The following COP1 variants were observed in gnomAD, a reference collection of about 807,000 sequenced individuals.
COP1 encodes E3 ubiquitin-protein ligase COP1.
A neutral mutation model predicts 101.3 loss-of-function variants in COP1; 24 were observed. That is an observed-to-expected ratio of 0.24 (90% confidence interval 0.17 to 0.33). The LOEUF (loss-of-function observed/expected upper bound fraction) is 0.33. COP1 is among the 10% of genes least tolerant of loss of function. The pLI is 1.00. For missense variants in COP1, 663 were observed against 906.2 expected (o/e 0.73, Z 3.45); for synonymous variants, 347 against 341.9 (o/e 1.01, Z -0.17).
At chr1:175,949,952 A>G (rs1296640617) in intron 18 of COP1, among the ~76,000 whole-genome samples, 1 of 152,182 alleles carries the variant, frequency 6.6e-6, no homozygotes, top group South Asian at 2.1e-4. Flanking sequence ...AAATTGTAGT[A>G]TATTATCTTA....
At chr1:176,200,000 T>C (rs1700105168) in intron 1 of COP1, among the ~76,000 whole-genome samples, 1 of 152,196 alleles carries the variant, frequency 6.6e-6, no homozygotes, top group African/African-American at 2.4e-5. Flanking sequence ...TGGGTAACCA[T>C]TTGTAATAGT....
intron 8 of COP1, among the ~76,000 whole-genome samples, chr1:176,120,170 T>C (rs1236033074): frequency 6.6e-6 from 1 of 152,116 alleles, no homozygotes; most frequent in Non-Finnish European, 1.5e-5. Context: ...ATAAAAGTTA[T>C]ACTAGCTTAA....
chr1:175,988,015 T>C (rs1408529769), intron 17 of COP1, among the ~76,000 whole-genome samples: 1 of 152,148 alleles, frequency 6.6e-6, no homozygotes, highest in Non-Finnish European at 1.5e-5. Context: ...TCTAAAGAAT[T>C]ATGTTATAAT....
chr1:176,053,605 C>T lies in COP1; in HGVS notation c.1278-7281G>A, dbSNP rs181789769. ...CACACAACCATGACCACACCCTAAA[C>T]ACTTTTTCATTACCAATAACTTCAC... On this transcript the variant is annotated intron_variant, in intron 11 of 19. Coordinates refer to ENST00000367669, the MANE Select transcript of COP1 (RefSeq NM_022457.7). 2.6e-5 allele frequency among the ~76,000 whole-genome samples: 4 copies of T among 152,250 alleles called. No individual in the cohort carries two copies. In the East Asian group the frequency reaches 7.7e-4, roughly 29 times the overall value.
chr1:176,004,506 ATTATT>A (rs1462606659), intron 15 of COP1, among the ~76,000 whole-genome samples: 1 of 150,776 alleles, frequency 6.6e-6, no homozygotes, highest in African/African-American at 2.4e-5. Flanking sequence ...GATAGTTCTT[ATTATT>A]TTGAAATACG....
At chr1:176,110,919 T>C (rs1230106066) in intron 9 of COP1, among the ~76,000 whole-genome samples, 3 of 152,172 alleles carry the variant, frequency 2.0e-5, no homozygotes, top group Non-Finnish European at 4.4e-5. Context: ...TTTGGGAGGC[T>C]GAGGCATGCA....
intron 18 of COP1, among the ~76,000 whole-genome samples, chr1:175,983,239 T>C (rs1017544477): frequency 1.3e-5 from 2 of 152,176 alleles, no homozygotes; most frequent in Non-Finnish European, 2.9e-5. Context: ...CCCATCCAAA[T>C]CTCAACTTGA....
intron 2 of COP1, among the ~76,000 whole-genome samples, chr1:176,183,529 T>C (rs371295278): frequency 2.0e-5 from 3 of 152,172 alleles, no homozygotes; most frequent in African/African-American, 7.2e-5. Flanking sequence ...GCAGCCCCTA[T>C]AGAAAACAGT....
intron 8 of COP1, among the ~76,000 whole-genome samples, chr1:176,124,728 C>T (rs547878194): frequency 9.2e-5 from 14 of 152,262 alleles, no homozygotes; most frequent in African/African-American, 3.4e-4. Context: ...CTGCAACAAA[C>T]ATGGGAATGC....
At chr1:176,151,325 A>AGG (rs1692423777) in intron 5 of COP1, among the ~76,000 whole-genome samples, 1 of 141,282 alleles carries the variant, frequency 7.1e-6, no homozygotes, top group African/African-American at 3.0e-5. Context: ...GAAAGAAGGA[A>AGG]AGAAAGAAAG....
chr1:176,057,637 C>T (rs914705118), intron 11 of COP1, among the ~76,000 whole-genome samples: 1 of 152,198 alleles, frequency 6.6e-6, no homozygotes, highest in Admixed American at 6.5e-5. Context: ...TCACTCAGTG[C>T]TCAATGGTGC....
At chr1:176,010,513 C>T (rs1571653101) in intron 15 of COP1, among the ~76,000 whole-genome samples, 1 of 152,158 alleles carries the variant, frequency 6.6e-6, no homozygotes. Flanking sequence ...CATTGTTCCA[C>T]ACATCTGAAT....
At chr1:175,994,555 C>G (rs936334461) in intron 15 of COP1, among the ~76,000 whole-genome samples, 4 of 151,966 alleles carry the variant, frequency 2.6e-5, no homozygotes, top group Non-Finnish European at 5.9e-5. Context: ...GGAAGATCTA[C>G]CAAGCAAATG....
chr1:176,081,018 A>G (rs1679031768), intron 11 of COP1, 134 bp downstream of exon 11: 15 of 779,952 alleles, frequency 1.9e-5, no homozygotes, highest in Non-Finnish European at 2.7e-5. Flanking sequence ...GAACTTGCCT[A>G]AAATCACAGA....
At chr1:176,192,877 ATTTTT>A (rs992569694) in intron 1 of COP1, among the ~76,000 whole-genome samples, 1 of 152,104 alleles carries the variant, frequency 6.6e-6, no homozygotes, top group Non-Finnish European at 1.5e-5. Context: ...TTTAAGATTA[ATTTTT>A]TTAAAAAGTT....
At chr1:175,972,875 C>G (rs1006525580) in intron 18 of COP1, among the ~76,000 whole-genome samples, 13 of 152,160 alleles carry the variant, frequency 8.5e-5, no homozygotes, top group Admixed American at 2.0e-4. Flanking sequence ...TCTTGTTGCC[C>G]AGGCTGGAGT....
At chr1:176,189,320 G>C (rs1558287787) in intron 1 of COP1, among the ~76,000 whole-genome samples, 1 of 151,764 alleles carries the variant, frequency 6.6e-6, no homozygotes, top group Non-Finnish European at 1.5e-5. Flanking sequence ...GATTATAATT[G>C]TCATTTGTTT....
chr1:175,975,044 A>G (rs1654185524), intron 18 of COP1, among the ~76,000 whole-genome samples: 1 of 152,192 alleles, frequency 6.6e-6, no homozygotes, highest in Non-Finnish European at 1.5e-5. Context: ...GCTGTCAGTA[A>G]GAAACATGGC....
At chr1:176,122,681 C>T (rs987274145) in intron 8 of COP1, among the ~76,000 whole-genome samples, 2 of 152,168 alleles carry the variant, frequency 1.3e-5, no homozygotes, top group African/African-American at 4.8e-5. Context: ...TTACATAATG[C>T]ATACAGGGAC....
Sources: allele counts gnomAD v4.1 joint callset (sites outside exome capture counted in the v4.1 genomes callset), GRCh38; gene constraint gnomAD v4.1.1; transcripts MANE v1.5; gene names NCBI Gene and HGNC (gene_info 2026-07-23, HGNC 2026-07-21).